NPAS2: variants seen among roughly 807,000 people sequenced by gnomAD.
NPAS2 encodes neuronal PAS domain protein 2.
NPAS2 carries 23 observed loss-of-function variants against 107.5 expected under a neutral mutation model. The ratio of observed to expected loss-of-function variants is 0.21; its 90% CI spans 0.15 to 0.30. The LOEUF is 0.30. Among genes scored for constraint, NPAS2 ranks in the 10% least tolerant of loss-of-function variants. The pLI is 1.00. For synonymous variants in NPAS2, 403 were observed against 417.5 expected (o/e 0.97, Z 0.42); for missense variants, 756 against 1,043.3 (o/e 0.72, Z 3.79).
intron 1 of NPAS2, among the ~76,000 whole-genome samples, chr2:100,882,349 C>T (rs890036849): frequency 2.6e-5 from 4 of 152,198 alleles, no homozygotes; most frequent in Non-Finnish European, 1.5e-5. Context: ...GTGGCTCATG[C>T]CTGTAATCCC....
rs544580996 is a variant in NPAS2, at chr2:100,858,613, TC to T, written c.-23+38202del. Among the ~76,000 whole-genome samples the T allele has an allele frequency of 2.9e-3, 445 of 152,128 alleles. 1 individual carries two copies. The highest frequency in any genetic ancestry group is 3.5e-3 in the Non-Finnish European group (241 of 67,994). ...AGCAATTCAGAAGGTGGCGGGGAGTTCCCAGGACTGCACATAAAAATTAATT... is the reference window on the plus strand; with the variant it reads ...AGCAATTCAGAAGGTGGCGGGGAGTTCCAGGACTGCACATAAAAATTAATT... On this transcript the variant is annotated intron_variant, in intron 1 of 20. Coordinates refer to ENST00000335681, the MANE Select transcript of NPAS2 (RefSeq NM_002518.4).
intron 12 of NPAS2, among the ~76,000 whole-genome samples, chr2:100,972,104 C>T (rs973441771): frequency 6.6e-6 from 1 of 152,064 alleles, no homozygotes. Flanking sequence ...CCCACCACCA[C>T]ACCTGGCTAA....
intron 5 of NPAS2, among the ~76,000 whole-genome samples, chr2:100,947,614 C>T (rs867615930): frequency 3.3e-5 from 5 of 152,102 alleles, no homozygotes; most frequent in Admixed American, 6.5e-5. Flanking sequence ...TTCAAGTGCT[C>T]AGTAACCATG....
chr2:100,983,053 T>C (rs1194645568), intron 16 of NPAS2: 1 of 152,378 alleles, frequency 6.6e-6, no homozygotes, highest in Non-Finnish European at 1.5e-5. Flanking sequence ...AATGTTTTAC[T>C]TACATTAGTC....
chr2:100,946,128 C>T (rs1387588558), intron 5 of NPAS2, among the ~76,000 whole-genome samples: 1 of 152,226 alleles, frequency 6.6e-6, no homozygotes, highest in Non-Finnish European at 1.5e-5. Context: ...CCTAATCGCA[C>T]TTGGCATTTA....
intron 1 of NPAS2, among the ~76,000 whole-genome samples, chr2:100,839,128 G>T (rs767850531): frequency 3.3e-5 from 5 of 151,960 alleles, no homozygotes; most frequent in Non-Finnish European, 5.9e-5. Context: ...TTGTTTTGTT[G>T]TTATTGTTGT....
intron 2 of NPAS2, among the ~76,000 whole-genome samples, chr2:100,920,899 G>A (rs1683182877): frequency 6.6e-6 from 1 of 152,232 alleles, no homozygotes; most frequent in Admixed American, 6.5e-5. Context: ...AGTGGGAAAG[G>A]CCACTCCTCC....
intron 15 of NPAS2, among the ~76,000 whole-genome samples, chr2:100,981,598 GA>G (rs1280638036): frequency 2.6e-5 from 4 of 152,160 alleles, no homozygotes; most frequent in Non-Finnish European, 5.9e-5. Flanking sequence ...TCACACTGGA[GA>G]GGGGGCCCTC....
At chr2:100,963,419 G>GTTTTGTTTTT (rs1296269004) in intron 7 of NPAS2, among the ~76,000 whole-genome samples, 1 of 151,898 alleles carries the variant, frequency 6.6e-6, no homozygotes, top group Non-Finnish European at 1.5e-5. Flanking sequence ...GTTTTGTTTT[G>GTTTTGTTTTT]TTTGGAGACA....
chr2:100,882,649 G>A (rs1045253737), intron 1 of NPAS2, among the ~76,000 whole-genome samples: 2 of 152,206 alleles, frequency 1.3e-5, no homozygotes, highest in Admixed American at 1.3e-4. Flanking sequence ...TGGGGTCCCC[G>A]AAAACACACT....
chr2:100,977,933 G>A, intron 15 of NPAS2, 134 bp downstream of exon 15: 1 of 732,926 alleles, frequency 1.4e-6, no homozygotes, highest in Non-Finnish European at 2.3e-6. Context: ...TGTGTGTGTG[G>A]CCTGTGTCGA....
intron 1 of NPAS2, among the ~76,000 whole-genome samples, chr2:100,853,794 T>G (rs1033057284): frequency 1.3e-5 from 2 of 151,926 alleles, no homozygotes; most frequent in African/African-American, 4.8e-5. Flanking sequence ...ACACATCTGT[T>G]GGCTGGGTGG....
intron 1 of NPAS2, among the ~76,000 whole-genome samples, chr2:100,870,307 A>G (rs1679503980): frequency 6.6e-6 from 1 of 152,226 alleles, no homozygotes; most frequent in African/African-American, 2.4e-5. Context: ...CACTGAAACC[A>G]CATGCAGTTA....
chr2:100,959,887 G>A (rs1484041091), intron 7 of NPAS2, among the ~76,000 whole-genome samples: 1 of 152,206 alleles, frequency 6.6e-6, no homozygotes, highest in South Asian at 2.1e-4. Flanking sequence ...GTGGAACAGA[G>A]CCAGACATCT....
chr2:100,927,987 G>T (rs760802199), intron 3 of NPAS2, among the ~76,000 whole-genome samples: 6 of 152,144 alleles, frequency 3.9e-5, no homozygotes, highest in Non-Finnish European at 7.3e-5. Flanking sequence ...TTCCATGCAG[G>T]CAGTGATGTG....
chr2:100,844,731 G>A (rs533740717), intron 1 of NPAS2, among the ~76,000 whole-genome samples: 1 of 152,314 alleles, frequency 6.6e-6, no homozygotes, highest in Non-Finnish European at 1.5e-5. Context: ...CTACTAGAAA[G>A]TGAGATGAGA....
chr2:100,904,426 C>T (rs1004663827), intron 1 of NPAS2, among the ~76,000 whole-genome samples: 12 of 152,224 alleles, frequency 7.9e-5, no homozygotes, highest in Admixed American at 2.0e-4. Flanking sequence ...CTCCTTGTCT[C>T]ATGAGTGTAC....
intron 1 of NPAS2, among the ~76,000 whole-genome samples, chr2:100,868,090 A>C (rs1339122946): frequency 6.6e-6 from 1 of 152,190 alleles, no homozygotes; most frequent in Non-Finnish European, 1.5e-5. Context: ...GAAGCACACT[A>C]TATTTCCTCA....
intron 20 of NPAS2, 178 bp from the exon 21 acceptor site, chr2:100,995,222 G>A (rs1042507996): frequency 1.1e-5 from 6 of 543,766 alleles, no homozygotes; most frequent in Middle Eastern, 4.4e-4. Flanking sequence ...GGTTCCCTTA[G>A]TCCCCATCCC....
Sources: allele counts gnomAD v4.1 joint callset (sites outside exome capture counted in the v4.1 genomes callset), GRCh38; gene constraint gnomAD v4.1.1; transcripts MANE v1.5; gene names NCBI Gene and HGNC (gene_info 2026-07-23, HGNC 2026-07-21).